PHF20: variants seen among roughly 807,000 people sequenced by gnomAD.
PHF20 encodes the protein glioma-expressed antigen 2.
Under a neutral mutation model 113.5 loss-of-function variants are expected in PHF20, and 23 were observed. That is an observed-to-expected ratio of 0.20 (90% CI 0.15 to 0.29). The LOEUF (loss-of-function observed/expected upper bound fraction) is 0.29, where lower values mean the gene tolerates loss of function less well. PHF20 is among the 10% of genes least tolerant of loss of function. The pLI is 1.00. For synonymous variants in PHF20, 434 were observed against 457.3 expected (o/e 0.95, Z 0.65); for missense variants, 943 against 1,219.6 (o/e 0.77, Z 3.38).
intron 4 of PHF20, among the ~76,000 whole-genome samples, chr20:35,849,696 G>T (rs6088950): frequency 6.6e-6 from 1 of 152,146 alleles, no homozygotes. Context: ...CTGTGCCTCA[G>T]GTTCATTCGT....
At chr20:35,843,891 T>G (rs1214154113) in intron 3 of PHF20, among the ~76,000 whole-genome samples, 2 of 152,190 alleles carry the variant, frequency 1.3e-5, no homozygotes, top group South Asian at 2.1e-4. Flanking sequence ...TTATAAGCCC[T>G]TAAAGAACTT....
intron 9 of PHF20, among the ~76,000 whole-genome samples, chr20:35,875,650 A>C (rs2054508591): frequency 6.6e-6 from 1 of 152,270 alleles, no homozygotes. Context: ...TGGAAATTTA[A>C]TCTCGGAATT....
rs567314520 is a variant in PHF20, at chr20:35,805,227, C to G, written c.83+3622C>G. 3.5e-4 allele frequency among the ~76,000 whole-genome samples: 53 copies of G among 151,962 alleles called. No homozygotes were observed. The Middle Eastern group carries it at 0.014, about 39-fold the overall frequency. On this transcript the variant is annotated intron_variant, in intron 2 of 17. Coordinates refer to ENST00000374012, the MANE Select transcript of PHF20 (RefSeq NM_016436.5). ...CTATTTTTATTTTTCCAGACAAGGT[C>G]TCATTCTGTTGCTCAGGTTGGAGTG... is the stretch of plus-strand genomic sequence containing the variant.
intron 1 of PHF20, among the ~76,000 whole-genome samples, chr20:35,800,919 G>C (rs1313263186): frequency 6.6e-6 from 1 of 152,076 alleles, no homozygotes; most frequent in Non-Finnish European, 1.5e-5. Context: ...TTGAACTCCT[G>C]GGCTCAAAGA....
At chr20:35,869,236 A>G (rs1289367929) in intron 6 of PHF20, among the ~76,000 whole-genome samples, 3 of 152,190 alleles carry the variant, frequency 2.0e-5, no homozygotes, top group Non-Finnish European at 4.4e-5. Flanking sequence ...TTGGCAAGGT[A>G]TCACCATCTC....
chr20:35,934,414 G>C (rs1243202708), intron 15 of PHF20, among the ~76,000 whole-genome samples: 2 of 152,232 alleles, frequency 1.3e-5, no homozygotes, highest in Admixed American at 6.5e-5. Flanking sequence ...ATCTAGGCTA[G>C]GTAGGAGACC....
At chr20:35,814,907 A>G (rs1425748618) in intron 2 of PHF20, among the ~76,000 whole-genome samples, 2 of 150,888 alleles carry the variant, frequency 1.3e-5, no homozygotes, top group Non-Finnish European at 3.0e-5. Flanking sequence ...AAATAAATAA[A>G]TAAATAGGCC....
chr20:35,804,928 G>A (rs192299416), intron 2 of PHF20, among the ~76,000 whole-genome samples: 25 of 152,046 alleles, frequency 1.6e-4, no homozygotes, highest in Admixed American at 3.9e-4. Flanking sequence ...TCGAGACAGC[G>A]TCTCACTTTG....
intron 9 of PHF20, among the ~76,000 whole-genome samples, chr20:35,872,448 A>G (rs2054438990): frequency 6.6e-6 from 1 of 152,120 alleles, no homozygotes; most frequent in South Asian, 2.1e-4. Context: ...GCTTGAACCC[A>G]GGAGGCGGAG....
At chr20:35,888,957 T>C (rs1013975346) in intron 9 of PHF20, among the ~76,000 whole-genome samples, 4 of 151,560 alleles carry the variant, frequency 2.6e-5, no homozygotes, top group African/African-American at 4.9e-5. Flanking sequence ...CTGGGATTTA[T>C]GTAGACTTTG....
intron 3 of PHF20, among the ~76,000 whole-genome samples, chr20:35,844,417 G>T (rs6058332): frequency 0.86 from 109,926 of 127,644 alleles, 46,483 homozygotes; most frequent in East Asian, 0.9. Context: ...TTTTTTTTTG[G>T]TTTTTTTTTT....
chr20:35,887,206 T>C (rs1162185656), intron 9 of PHF20, among the ~76,000 whole-genome samples: 2 of 152,226 alleles, frequency 1.3e-5, no homozygotes, highest in African/African-American at 4.8e-5. Context: ...TACTCAAGTA[T>C]ATATAGAAAA....
chr20:35,880,811 T>G (rs1275984261), intron 9 of PHF20, among the ~76,000 whole-genome samples: 1 of 151,786 alleles, frequency 6.6e-6, no homozygotes, highest in African/African-American at 2.4e-5. Flanking sequence ...AATAAAAAAA[T>G]TAGTCAGGCG....
At chr20:35,832,605 G>A (rs1210561824) in intron 2 of PHF20, among the ~76,000 whole-genome samples, 1 of 152,184 alleles carries the variant, frequency 6.6e-6, no homozygotes, top group Non-Finnish European at 1.5e-5. Context: ...GATGTTGCCT[G>A]GGAAGAGTGG....
chr20:35,933,940 C>A (rs2055814945), intron 15 of PHF20, among the ~76,000 whole-genome samples: 1 of 152,234 alleles, frequency 6.6e-6, no homozygotes, highest in Non-Finnish European at 1.5e-5. Flanking sequence ...GGACTAGAAT[C>A]CAAATCCTGG....
At chr20:35,833,896 A>G (rs774800134) in intron 2 of PHF20, among the ~76,000 whole-genome samples, 9 of 151,960 alleles carry the variant, frequency 5.9e-5, no homozygotes, top group Non-Finnish European at 1.2e-4. Flanking sequence ...CGTCTCTACT[A>G]AAAATACAAA....
chr20:35,868,839 C>A (rs1346142777), intron 6 of PHF20, among the ~76,000 whole-genome samples: 1 of 151,688 alleles, frequency 6.6e-6, no homozygotes, highest in Non-Finnish European at 1.5e-5. Flanking sequence ...GCTTGTAATC[C>A]CAGAACTTTG....
At chr20:35,886,139 CTT>C (rs199904992) in intron 9 of PHF20, among the ~76,000 whole-genome samples, 191 of 137,396 alleles carry the variant, frequency 1.4e-3, no homozygotes, top group African/African-American at 3.8e-3. Flanking sequence ...TCAGTAAATA[CTT>C]TTTTTTTTTT....
chr20:35,844,254 C>T (rs2069937537), intron 3 of PHF20, among the ~76,000 whole-genome samples: 2 of 151,860 alleles, frequency 1.3e-5, no homozygotes, highest in Admixed American at 1.3e-4. Flanking sequence ...AGGTGCGTGC[C>T]ACCACACCTG....
Sources: gnomAD v4.1 joint callset for allele counts (sites outside exome capture counted in the v4.1 genomes callset) on GRCh38, gnomAD v4.1.1 for gene constraint, MANE v1.5 for transcripts, NCBI Gene and HGNC (gene_info 2026-07-23, HGNC 2026-07-21) for gene names.